SMCP: variants seen among roughly 807,000 people sequenced by gnomAD.
SMCP encodes the protein sperm mitochondrial-associated cysteine-rich protein.
For synonymous variants in SMCP, 41 were observed against 46.9 expected (o/e 0.87, Z 0.51); for missense variants, 137 against 137.1 (o/e 1.00, Z 0.01).
At chr1:152,879,517 G>C (rs1158993899) in intron 1 of SMCP, among the ~76,000 whole-genome samples, 1 of 152,168 alleles carries the variant, frequency 6.6e-6, no homozygotes, top group Non-Finnish European at 1.5e-5. Context: ...CATTGTGCCC[G>C]GCCAAGGAGA....
intron 1 of SMCP, among the ~76,000 whole-genome samples, chr1:152,883,501 T>C (rs189417884): frequency 2.0e-5 from 3 of 152,322 alleles, no homozygotes; most frequent in African/African-American, 7.2e-5. Flanking sequence ...AGCTTGGACT[T>C]CCTGGGAGGA....
chr1:152,882,998 C>T (rs992376300), intron 1 of SMCP, among the ~76,000 whole-genome samples: 10 of 152,208 alleles, frequency 6.6e-5, no homozygotes, highest in Admixed American at 2.0e-4. Flanking sequence ...GAGCTGAGAT[C>T]GCACCATTGC....
At chr1:152,884,365 G>A (rs1649145868) in intron 1 of SMCP, 38 bp from the exon 2 acceptor site, 1 of 1,550,194 alleles carries the variant, frequency 6.5e-7, no homozygotes, top group East Asian at 2.3e-5. Context: ...CAGGCACCCA[G>A]ATTTCCTTCT....
At position 152,884,461 on chromosome 1, in the gene SMCP, A is replaced by G. The variant is rs61731350; in HGVS notation, c.39A>G (p.Ala13=). Residue 13 remains alanine, a synonymous_variant, in exon 2 of 2, where the codon GCA becomes GCG. Coordinates refer to ENST00000368765, the MANE Select transcript of SMCP (RefSeq NM_030663.3). ...DQTKHSKCCP[A]KGNQCCPPQQ... ...CAAAACACAGTAAATGCTGCCCAGCAAAAGGCAATCAATGCTGCCCACCAC... is the reference window on the plus strand; with the variant it reads ...CAAAACACAGTAAATGCTGCCCAGCGAAAGGCAATCAATGCTGCCCACCAC... The G allele has an allele frequency of 3.9e-4, 628 of 1,614,074 alleles. 5 individuals carry two copies. In the African/African-American group the frequency reaches 7.7e-3, roughly 20 times the overall value.
intron 1 of SMCP, among the ~76,000 whole-genome samples, chr1:152,881,929 C>T (rs1649066995): frequency 6.6e-6 from 1 of 152,130 alleles, no homozygotes. Flanking sequence ...AGAGCCAAAC[C>T]ATATCATGGG....
At chr1:152,878,510 T>C (rs1648938561) in intron 1 of SMCP, 64 bp downstream of exon 1, 1 of 152,666 alleles carries the variant, frequency 6.6e-6, no homozygotes, top group African/African-American at 2.4e-5. Flanking sequence ...GTTCATTAGT[T>C]CATTACGTAT....
intron 1 of SMCP, among the ~76,000 whole-genome samples, chr1:152,880,400 T>C (rs1648997092): frequency 6.6e-6 from 1 of 152,168 alleles, no homozygotes; most frequent in Non-Finnish European, 1.5e-5. Context: ...TCAAACAGCT[T>C]TGAACACTGC....
In SMCP at chr1:152,882,118, G is replaced by A. The variant is rs182649402; in HGVS notation, c.-20-2285G>A. 1.8e-3 allele frequency among the ~76,000 whole-genome samples: 276 copies of A among 152,254 alleles called. 1 individual carries two copies. Among genetic ancestry groups the A allele is most frequent in the African/African-American group, 6.5e-3 (268 of 41,534 alleles). On this transcript the variant is annotated intron_variant, in intron 1 of 1. Transcript: ENST00000368765. ...AGTCTCCCAAGTATCTGGGATTACAGGCACCTGCCACCATGCCCATTTTTC... is the reference window on the plus strand; with the variant it reads ...AGTCTCCCAAGTATCTGGGATTACAAGCACCTGCCACCATGCCCATTTTTC...
At position 152,884,630 on chromosome 1, in the gene SMCP, A is replaced by T. The variant is rs1171767744; in HGVS notation, c.208A>T (p.Arg70Trp). The T allele has an allele frequency of 4.3e-6, 7 of 1,614,202 alleles. No individual in the cohort carries two copies. Among genetic ancestry groups the T allele is most frequent in the Non-Finnish European group, 5.9e-6 (7 of 1,180,032 alleles). ...AAAACCCCCATGCTGCATTCAGGCC[A>T]GGTGCTGTGGTTTGGAGACCAAGCC... ...QPKPPCCIQA[R>W]CCGLETKPEV... The change falls in exon 2 of 2, where the codon AGG (arginine) becomes TGG (tryptophan). Residue 70 changes from arginine (R) to tryptophan (W), a missense_variant. Physicochemically the swap from Arg to Trp is moderately radical, Grantham distance 101 (BLOSUM62 -3). Coordinates refer to ENST00000368765, the MANE Select transcript of SMCP (RefSeq NM_030663.3).
rs779304483 is a variant in SMCP at position 152,884,802 on chromosome 1, TC to T, written c.*32del. 6.3e-7 allele frequency: 1 copy of T among 1,585,472 alleles called. No homozygotes were observed. Among genetic ancestry groups the T allele is most frequent in the Non-Finnish European group, 8.6e-7 (1 of 1,157,302 alleles). ...CAGAAGAAGTCAAACAAAGAAGAAG[TC>T]CCTGGGGCCATGCCTTTCACTTTGT... On this transcript the variant is annotated 3_prime_UTR_variant, in exon 2 of 2. Coordinates refer to ENST00000368765, the MANE Select transcript of SMCP (RefSeq NM_030663.3).
At chr1:152,883,680 G>A (rs1390703630) in intron 1 of SMCP, among the ~76,000 whole-genome samples, 2 of 152,142 alleles carry the variant, frequency 1.3e-5, no homozygotes, top group South Asian at 4.1e-4. Flanking sequence ...AGAGGTACAA[G>A]CCCAGAGAGA....
Position 152,884,420 on chromosome 1 carries a change from A to T in SMCP, c.-3A>T, listed in dbSNP as rs1346101072. ...TTTTCTAGTACCTCCAAGTGTTCAG[A>T]AGATGTGTGACCAGACAAAACACAG... On this transcript the variant is annotated 5_prime_UTR_variant, in exon 2 of 2. Transcript: ENST00000368765. 10 of 1,614,012 alleles carry T rather than the reference A, an allele frequency of 6.2e-6. No homozygotes were observed. Among genetic ancestry groups the T allele is most frequent in the Admixed American group, 1.7e-5 (1 of 60,004 alleles).
At position 152,883,228 on chromosome 1, in the gene SMCP, G is replaced by A. The variant is rs115225587; in HGVS notation, c.-20-1175G>A. On this transcript the variant is annotated intron_variant, in intron 1 of 1. Transcript: ENST00000368765. Reference sequence around the variant, plus strand: ...ACAGGCCTGGCACCTCCCTGACATGGGTTTGTGGCTTTGTGAGCTGAGTCC... The same window carrying A: ...ACAGGCCTGGCACCTCCCTGACATGAGTTTGTGGCTTTGTGAGCTGAGTCC... 6.4e-3 allele frequency among the ~76,000 whole-genome samples: 973 copies of A among 152,258 alleles called. 13 individuals are homozygous for A. The highest frequency in any genetic ancestry group is 0.022 in the African/African-American group (933 of 41,544).
intron 1 of SMCP, 143 bp from the exon 2 acceptor site, chr1:152,884,260 T>C: frequency 1.4e-6 from 1 of 713,980 alleles, no homozygotes; most frequent in South Asian, 1.9e-5. Flanking sequence ...CTGGCTGGCC[T>C]CTCTGAGGGA....
At chr1:152,881,620 G>A (rs578215847) in intron 1 of SMCP, among the ~76,000 whole-genome samples, 65 of 150,474 alleles carry the variant, frequency 4.3e-4, no homozygotes, top group Non-Finnish European at 7.8e-4. Flanking sequence ...CCCGGGAAGC[G>A]GAGCTTGCAG....
Position 152,884,688 on chromosome 1 carries a change from C to T in SMCP, c.266C>T (p.Pro89Leu), listed in dbSNP as rs1338386442. The stretch of plus-strand genomic sequence containing the variant: ...TCACCCCTTAACATGGAGTCTGAGC[C>T]CAACTCACCGCAAACTCAGGACAAG... Reference protein sequence around the residue: ...EVSPLNMESEPNSPQTQDKGC... With the variant: ...EVSPLNMESELNSPQTQDKGC... Residue 89 changes from proline (P) to leucine (L), a missense_variant, in exon 2 of 2, where the codon CCC becomes CTC. By Grantham distance (98) the Pro-to-Leu change is moderately conservative (BLOSUM62 -3). Coordinates refer to ENST00000368765, the MANE Select transcript of SMCP (RefSeq NM_030663.3). 1.2e-6 allele frequency: 2 copies of T among 1,614,078 alleles called. No individual in the cohort carries two copies. The highest frequency in any genetic ancestry group is 2.2e-5 in the East Asian group (1 of 44,904).
chr1:152,880,663 G>T (rs544673651), intron 1 of SMCP, among the ~76,000 whole-genome samples: 3 of 152,218 alleles, frequency 2.0e-5, no homozygotes, highest in African/African-American at 7.2e-5. Context: ...CTTTGCTCTA[G>T]TGTCTTCCTC....
intron 1 of SMCP, among the ~76,000 whole-genome samples, chr1:152,879,147 G>A (rs1648958442): frequency 6.6e-6 from 1 of 152,200 alleles, no homozygotes. Flanking sequence ...GATTTCCTGA[G>A]GCAGGCTGTG....
rs539639532 is a variant in SMCP at position 152,884,941 on chromosome 1, C to A, written c.*168C>A. On this transcript the variant is annotated 3_prime_UTR_variant, in exon 2 of 2. Transcript: ENST00000368765. Reference sequence around the variant, plus strand: ...TCCTATTTCCCATCATAGCTCCCTACCCTAGGGAGGCCTCCATCTGGAAAT... The same window carrying A: ...TCCTATTTCCCATCATAGCTCCCTAACCTAGGGAGGCCTCCATCTGGAAAT... The A allele has an allele frequency of 1.6e-6, 1 of 637,258 alleles. No individual in the cohort carries two copies. The highest frequency in any genetic ancestry group is 2.8e-6 in the Non-Finnish European group (1 of 362,328). 39.5% of individuals were successfully genotyped at this position (637,258 alleles called of 1,614,324 possible).
Sources: gnomAD v4.1 joint callset for allele counts (sites outside exome capture counted in the v4.1 genomes callset) on GRCh38, gnomAD v4.1.1 for gene constraint, MANE v1.5 for transcripts, NCBI Gene and HGNC (gene_info 2026-07-23, HGNC 2026-07-21) for gene names.